Variants in MTREX observed in about 807,000 individuals in gnomAD.
MTREX encodes the protein Mtr4 exosome RNA helicase.
MTREX carries 76 observed loss-of-function variants against 135.4 expected under a neutral mutation model. The observed-to-expected ratio is 0.56, with a 90% CI of 0.47 to 0.68. MTREX has a LOEUF of 0.68. Among genes scored for constraint, MTREX ranks in the 30% least tolerant of loss-of-function variants. The pLI is 0.00. For synonymous variants in MTREX, 404 were observed against 401.6 expected (o/e 1.01, Z -0.07); for missense variants, 920 against 1,262.1 (o/e 0.73, Z 4.11).
Position 55,422,994 on chromosome 5 carries a change from A to G in MTREX, c.3076+12A>G. ...TAAATTTGCAGAAGGTCAGTATCAAATGGATAAGCTGTTTCTAATTTAGAC... is the reference window on the plus strand; with the variant it reads ...TAAATTTGCAGAAGGTCAGTATCAAGTGGATAAGCTGTTTCTAATTTAGAC... On this transcript the variant is annotated intron_variant, in intron 26 of 26. Transcript: ENST00000230640. 1 of 1,599,322 alleles carries G rather than the reference A, an allele frequency of 6.3e-7. No homozygotes were observed. The highest frequency in any genetic ancestry group is 8.6e-7 in the Non-Finnish European group (1 of 1,167,746).
At chr5:55,379,263 A>G in intron 18 of MTREX, 68 bp downstream of exon 18, 4 of 936,012 alleles carry the variant, frequency 4.3e-6, no homozygotes, top group Non-Finnish European at 6.7e-6. Context: ...AGGCTTATGA[A>G]ATCGGTCTAA....
intron 13 of MTREX, among the ~76,000 whole-genome samples, chr5:55,351,608 C>G (rs944572079): frequency 1.3e-5 from 2 of 152,162 alleles, no homozygotes; most frequent in African/African-American, 4.8e-5. Context: ...TATTTAATTA[C>G]TAAACCCGGG....
intron 15 of MTREX, among the ~76,000 whole-genome samples, chr5:55,365,150 A>G (rs577407757): frequency 3.2e-4 from 48 of 152,316 alleles, no homozygotes; most frequent in African/African-American, 1.2e-3. Flanking sequence ...AACATTTCTT[A>G]TATTGAAACC....
Position 55,415,951 on chromosome 5 carries a change from A to T in MTREX, c.2809-19A>T, listed in dbSNP as rs1232038790. On this transcript the variant is annotated intron_variant, in intron 24 of 26. Coordinates refer to ENST00000230640, the MANE Select transcript of MTREX (RefSeq NM_015360.5). Reference sequence around the variant, plus strand: ...TGGGAGATCATAAGTAAGGAATTTTAACTCTTTTATCTTTAAAGGAATGTG... The same window carrying T: ...TGGGAGATCATAAGTAAGGAATTTTTACTCTTTTATCTTTAAAGGAATGTG... 17 of 1,552,850 alleles carry T rather than the reference A, an allele frequency of 1.1e-5. No individual in the cohort carries two copies. Among genetic ancestry groups the T allele is most frequent in the Non-Finnish European group, 1.5e-5 (17 of 1,151,364 alleles).
chr5:55,422,294 T>C (rs1012498346), intron 25 of MTREX, among the ~76,000 whole-genome samples: 6 of 152,228 alleles, frequency 3.9e-5, no homozygotes, highest in Admixed American at 3.9e-4. Flanking sequence ...CTTCTTTCCT[T>C]GTGCTCCTTG....
intron 25 of MTREX, among the ~76,000 whole-genome samples, chr5:55,422,424 A>G (rs1266669520): frequency 6.6e-6 from 1 of 152,160 alleles, no homozygotes; most frequent in African/African-American, 2.4e-5. Context: ...GTTGCATTCT[A>G]TGAGATGGTA....
At chr5:55,414,061 T>A in intron 23 of MTREX, 121 bp from the exon 24 acceptor site, 1 of 622,736 alleles carries the variant, frequency 1.6e-6, no homozygotes. Context: ...TGCTGATGAC[T>A]AAGGTCTTAT....
chr5:55,343,355 CTAT>C lies in MTREX; in HGVS notation c.811_813del (p.Ile271del). 6.2e-7 allele frequency: 1 copy of C among 1,611,420 alleles called. No homozygotes were observed. The highest frequency in any genetic ancestry group is 8.5e-7 in the Non-Finnish European group (1 of 1,178,106). ...GAACGTGGTGTAGTATGGGAAGAAA[CTAT>C]TATTTTGCTTCCTGATAACGTCCAC... On this transcript the variant is annotated inframe_deletion, in exon 8 of 27. Coordinates refer to ENST00000230640, the MANE Select transcript of MTREX (RefSeq NM_015360.5).
chr5:55,362,397 G>T (rs1750029657), intron 15 of MTREX, among the ~76,000 whole-genome samples: 1 of 151,996 alleles, frequency 6.6e-6, no homozygotes, highest in African/African-American at 2.4e-5. Context: ...TTCTCGCTCT[G>T]TCACCCAGGC....
chr5:55,340,350 C>G (rs1561191271), intron 6 of MTREX, among the ~76,000 whole-genome samples, 166 bp downstream of exon 6: 1 of 152,078 alleles, frequency 6.6e-6, no homozygotes, highest in Non-Finnish European at 1.5e-5. Flanking sequence ...TTAAAGTGTT[C>G]TGATAATATT....
chr5:55,402,665 A>C (rs1220815719), intron 21 of MTREX, among the ~76,000 whole-genome samples: 1 of 152,156 alleles, frequency 6.6e-6, no homozygotes, highest in Non-Finnish European at 1.5e-5. Context: ...AATATAAAAT[A>C]CACCAGAAAA....
At chr5:55,316,123 C>T (rs575287344) in intron 1 of MTREX, among the ~76,000 whole-genome samples, 66 of 152,064 alleles carry the variant, frequency 4.3e-4, no homozygotes, top group South Asian at 4.1e-4. Flanking sequence ...GTAGCAAGCT[C>T]CAAAATTAAA....
intron 16 of MTREX, among the ~76,000 whole-genome samples, chr5:55,371,388 A>G (rs1170040311): frequency 6.6e-6 from 1 of 152,168 alleles, no homozygotes; most frequent in African/African-American, 2.4e-5. Context: ...ACACTGTTAT[A>G]CACTATATTA....
At chr5:55,373,436 A>G (rs942311633) in intron 16 of MTREX, among the ~76,000 whole-genome samples, 5 of 152,118 alleles carry the variant, frequency 3.3e-5, no homozygotes, top group Non-Finnish European at 7.4e-5. Flanking sequence ...GCTAAATATG[A>G]AGAGACTTAT....
intron 15 of MTREX, among the ~76,000 whole-genome samples, chr5:55,364,376 G>A (rs1750062828): frequency 6.6e-6 from 1 of 152,142 alleles, no homozygotes; most frequent in African/African-American, 2.4e-5. Context: ...TCTGTGTGGT[G>A]TGTGTTTGAG....
At chr5:55,401,880 C>T (rs752315190) in intron 21 of MTREX, among the ~76,000 whole-genome samples, 2 of 150,936 alleles carry the variant, frequency 1.3e-5, no homozygotes, top group Non-Finnish European at 2.9e-5. Context: ...CTCCATGAAA[C>T]TTACAACTCC....
intron 14 of MTREX, among the ~76,000 whole-genome samples, chr5:55,357,710 CT>C (rs2112077255): frequency 6.6e-6 from 1 of 152,296 alleles, no homozygotes; most frequent in African/African-American, 2.4e-5. Context: ...GTTTTTAACT[CT>C]TTTTGAGTTA....
At chr5:55,385,224 G>A (rs551564512) in intron 18 of MTREX, among the ~76,000 whole-genome samples, 18 of 152,110 alleles carry the variant, frequency 1.2e-4, no homozygotes, top group African/African-American at 4.1e-4. Context: ...TGGAGGGTTG[G>A]GGTGTAGCCT....
chr5:55,354,350 A>C (rs1469141313), intron 14 of MTREX, among the ~76,000 whole-genome samples: 3 of 152,208 alleles, frequency 2.0e-5, no homozygotes, highest in African/African-American at 7.2e-5. Flanking sequence ...CAGACAGTAG[A>C]ATATTGGCGG....
Sources: allele counts gnomAD v4.1 joint callset (sites outside exome capture counted in the v4.1 genomes callset), GRCh38; gene constraint gnomAD v4.1.1; transcripts MANE v1.5; gene names NCBI Gene and HGNC (gene_info 2026-07-23, HGNC 2026-07-21).